CACNA1H: variants seen among roughly 807,000 people sequenced by gnomAD.
CACNA1H encodes calcium voltage-gated channel subunit alpha1 H.
A neutral mutation model predicts 192.5 loss-of-function variants in CACNA1H; 149 were observed. The observed-to-expected ratio is 0.77, with a 90% CI of 0.68 to 0.89. The LOEUF (loss-of-function observed/expected upper bound fraction) is 0.89. Ranked by LOEUF, CACNA1H falls within the 40% of genes least tolerant of loss-of-function variation. The pLI is 0.00. For synonymous variants in CACNA1H, 2,202 were observed against 1,475.2 expected (o/e 1.49, Z -11.29); for missense variants, 4,257 against 3,423.5 (o/e 1.24, Z -6.08).
chr16:1,211,140 C>T (rs1969396164), intron 21 of CACNA1H, 28 bp from the exon 22 acceptor site: 2 of 1,609,612 alleles, frequency 1.2e-6, no homozygotes, highest in Non-Finnish European at 1.7e-6. Context: ...CCATAGATGA[C>T]TGCAGTGTAT....
At position 1,200,754 on chromosome 16, in the gene CACNA1H, C is replaced by T. The variant is rs369185990; in HGVS notation, c.1158C>T (p.Tyr386=). 2.2e-5 allele frequency: 34 copies of T among 1,557,704 alleles called. No individual in the cohort carries two copies. The highest frequency in any genetic ancestry group is 1.9e-4 in the South Asian group (16 of 84,802). ...TLEGWVDIMY[Y]VMDAHSFYNF... The stretch of plus-strand genomic sequence containing the variant: ...AAGGCTGGGTGGACATCATGTACTA[C>T]GTCATGGACGCCCACTCATTCTACA... Residue 386 remains tyrosine (Y), a synonymous_variant, in exon 8 of 35, where the codon TAC becomes TAT. Coordinates refer to ENST00000348261, the MANE Select transcript of CACNA1H (RefSeq NM_021098.3).
At chr16:1,173,689 G>A (rs564552930) in intron 2 of CACNA1H, among the ~76,000 whole-genome samples, 1 of 152,366 alleles carries the variant, frequency 6.6e-6, no homozygotes, top group East Asian at 1.9e-4. Context: ...CGTCGGAGGG[G>A]TGAGGGAAGG....
In CACNA1H at chr16:1,207,811, G is replaced by A. The variant is rs760042669; in HGVS notation, c.3105G>A (p.Ser1035=). ...CCGACACGGACGAGGACAAGACGTC[G>A]GTCCACTTCGAGGAGGACTTCCACA... The part of the protein sequence containing the change: ...NRSDTDEDKT[S]VHFEEDFHKL... Residue 1035 remains serine, a synonymous_variant, in exon 15 of 35, where the codon TCG becomes TCA. Coordinates refer to ENST00000348261, the MANE Select transcript of CACNA1H (RefSeq NM_021098.3). 3.2e-5 allele frequency: 51 copies of A among 1,602,844 alleles called. No homozygotes were observed. Among genetic ancestry groups the A allele is most frequent in the East Asian group, 4.5e-5 (2 of 44,234 alleles).
rs1966812383 is a variant in CACNA1H at position 1,193,728 on chromosome 16, G to C, written c.300-1244G>C. ...AATATGTAATTACATTGGTGGCCTGGAGCCGTGGCACTGGCATCAAATGCT... is the reference window on the plus strand; with the variant it reads ...AATATGTAATTACATTGGTGGCCTGCAGCCGTGGCACTGGCATCAAATGCT... On this transcript the variant is annotated intron_variant, in intron 2 of 34. Coordinates refer to ENST00000348261, the MANE Select transcript of CACNA1H (RefSeq NM_021098.3). 2.0e-5 allele frequency among the ~76,000 whole-genome samples: 3 copies of C among 152,214 alleles called. No homozygotes were observed. In the South Asian group the frequency reaches 6.2e-4, roughly 32 times the overall value.
At chr16:1,212,927 C>A (rs764103998) in intron 26 of CACNA1H, among the ~76,000 whole-genome samples, 2 of 152,228 alleles carry the variant, frequency 1.3e-5, no homozygotes, top group African/African-American at 2.4e-5. Flanking sequence ...GGTCGGGTGG[C>A]GGGTGGATCC....
rs1229653493 is a variant in CACNA1H at position 1,205,260 on chromosome 16, C to T, written c.2598C>T (p.Val866=). 7 of 1,605,172 alleles carry T rather than the reference C, an allele frequency of 4.4e-6. 1 individual carries two copies. Among genetic ancestry groups the T allele is most frequent in the South Asian group, 3.3e-5 (3 of 90,704 alleles). The change falls in exon 11 of 35, where the codon GTC becomes GTT. Residue 866 remains valine, a synonymous_variant. Transcript: ENST00000348261. Reference sequence around the variant, plus strand: ...ACATCTTCGACGGCATCATCGTGGTCATCAGGTGGGTCCCCACCCTCTCCC... The same window carrying T: ...ACATCTTCGACGGCATCATCGTGGTTATCAGGTGGGTCCCCACCCTCTCCC... ...PYNIFDGIIV[V]ISVWEIVGQA...
chr16:1,174,002 C>T (rs1186042346), intron 2 of CACNA1H, among the ~76,000 whole-genome samples: 3 of 152,226 alleles, frequency 2.0e-5, no homozygotes, highest in Non-Finnish European at 4.4e-5. Context: ...GACCTGCGTG[C>T]ACAGTAGGGC....
chr16:1,201,702 A>G lies in CACNA1H; in HGVS notation c.1252A>G (p.Ile418Val). 6.2e-7 allele frequency: 1 copy of G among 1,607,922 alleles called. No individual in the cohort carries two copies. The highest frequency in any genetic ancestry group is 8.5e-7 in the Non-Finnish European group (1 of 1,176,708). ...FFMINLCLVV[I>V]ATQFSETKQR... is the part of the protein sequence containing the mutation. ...CATGATCAACCTGTGCCTGGTGGTG[A>G]TTGCCACGCAGTTCTCGGAGACGAA... Residue 418 changes from isoleucine (I) to valine (V), a missense_variant, in exon 9 of 35, where the codon ATT (isoleucine) becomes GTT (valine). Transcript: ENST00000348261.
chr16:1,195,637 C>T, intron 4 of CACNA1H, 72 bp downstream of exon 4: 2 of 1,479,342 alleles, frequency 1.4e-6, no homozygotes, highest in Admixed American at 2.0e-5. Flanking sequence ...TCCCTGTGTC[C>T]CACCTGTAAA....
chr16:1,218,396 G>A lies in CACNA1H; in HGVS notation c.5632G>A (p.Ala1878Thr), dbSNP rs559407861. Residue 1878 changes from alanine (A) to threonine (T), a missense_variant, in exon 33 of 35, where the codon GCC becomes ACC. Physicochemically the swap from Ala to Thr is moderately conservative, Grantham distance 58. Coordinates refer to ENST00000348261, the MANE Select transcript of CACNA1H (RefSeq NM_021098.3). ...KEAREDAELD[A>T]EIELEMAQGP... ...GGCACGGGAGGATGCGGAGCTGGAC[G>A]CCGAGATCGAGCTGGAGATGGCGCA... is the stretch of plus-strand genomic sequence containing the variant. 8 of 1,558,448 alleles carry A rather than the reference G, an allele frequency of 5.1e-6. No individual in the cohort carries two copies. The Admixed American group carries it at 5.8e-5, about 11-fold the overall frequency.
intron 2 of CACNA1H, among the ~76,000 whole-genome samples, chr16:1,166,709 A>C (rs1963818008): frequency 6.6e-6 from 1 of 151,972 alleles, no homozygotes; most frequent in Non-Finnish European, 1.5e-5. Flanking sequence ...GGACTCCTGC[A>C]CCGGCTTCTC....
intron 6 of CACNA1H, 26 bp downstream of exon 6, chr16:1,198,800 C>T: frequency 6.3e-7 from 1 of 1,593,278 alleles, no homozygotes; most frequent in South Asian, 1.1e-5. Flanking sequence ...CCCCGTGAGG[C>T]CCCTGCCCAG....
At chr16:1,217,127 A>C in intron 31 of CACNA1H, 117 bp downstream of exon 31, 8 of 853,338 alleles carry the variant, frequency 9.4e-6, no homozygotes, top group South Asian at 1.7e-5. Flanking sequence ...GATCAGGGCC[A>C]CACGCCTCCT....
In CACNA1H at chr16:1,207,079, C is replaced by T; in HGVS notation, c.2868C>T (p.Asn956=). ...GAGACACCGTGCCTGACAGGAAGAACTTCGACTCCCTGCTGTGGGCCATCG... is the reference window on the plus strand; with the variant it reads ...GAGACACCGTGCCTGACAGGAAGAATTTCGACTCCCTGCTGTGGGCCATCG... ...DTGDTVPDRK[N]FDSLLWAIVT... Residue 956 remains asparagine (N), a synonymous_variant, in exon 13 of 35, where the codon AAC becomes AAT. Coordinates refer to ENST00000348261, the MANE Select transcript of CACNA1H (RefSeq NM_021098.3). 6.2e-7 allele frequency: 1 copy of T among 1,601,184 alleles called. No homozygotes were observed. Among genetic ancestry groups the T allele is most frequent in the East Asian group, 2.3e-5 (1 of 44,364 alleles).
At position 1,215,034 on chromosome 16, in the gene CACNA1H, T is replaced by C; in HGVS notation, c.4992T>C (p.Ala1664=). 6.2e-7 allele frequency: 1 copy of C among 1,613,136 alleles called. No individual in the cohort carries two copies. Among genetic ancestry groups the C allele is most frequent in the Non-Finnish European group, 8.5e-7 (1 of 1,179,566 alleles). The change falls in exon 28 of 35, where the codon GCT becomes GCC. Residue 1664 remains alanine (A), a synonymous_variant. Coordinates refer to ENST00000348261, the MANE Select transcript of CACNA1H (RefSeq NM_021098.3). ...TCACCATCGTGTTTGTCTTCGAGGC[T>C]GCACTGAAGCTGGTAGCATTTGGGT... The part of the protein sequence containing the change: ...YVFTIVFVFE[A]ALKLVAFGFR...
intron 6 of CACNA1H, 65 bp from the exon 7 acceptor site, chr16:1,200,191 G>A (rs778017223): frequency 2.2e-5 from 29 of 1,326,926 alleles, no homozygotes; most frequent in African/African-American, 3.0e-5. Flanking sequence ...TCACAATCGT[G>A]CCCCCGACTC....
At chr16:1,198,538 G>T in intron 5 of CACNA1H, 77 bp from the exon 6 acceptor site, 2 of 1,524,392 alleles carry the variant, frequency 1.3e-6, no homozygotes, top group Non-Finnish European at 9.0e-7. Context: ...GGGGCTCGGG[G>T]GTCCCGGGAG....
chr16:1,195,512 G>A lies in CACNA1H; in HGVS notation c.492G>A (p.Lys164=), dbSNP rs774987924. The change falls in exon 4 of 35, where the codon AAG becomes AAA. Residue 164 remains lysine, a synonymous_variant. Coordinates refer to ENST00000348261, the MANE Select transcript of CACNA1H (RefSeq NM_021098.3). ...TGGCCTTGGGGCTGTTCGGGCAGAAGTGTTACCTGGGTGACACGTGGAACA... is the reference window on the plus strand; with the variant it reads ...TGGCCTTGGGGCTGTTCGGGCAGAAATGTTACCTGGGTGACACGTGGAACA... ...KMVALGLFGQ[K]CYLGDTWNRL... 1 of 1,603,306 alleles carries A rather than the reference G, an allele frequency of 6.2e-7. No individual in the cohort carries two copies. Among genetic ancestry groups the A allele is most frequent in the Non-Finnish European group, 8.5e-7 (1 of 1,175,146 alleles).
At chr16:1,155,985 C>T (rs575785871) in intron 2 of CACNA1H, among the ~76,000 whole-genome samples, 22 of 152,168 alleles carry the variant, frequency 1.4e-4, no homozygotes, top group East Asian at 7.7e-4. Context: ...GTCCTGGTCT[C>T]GGGGGCTGGA....
Sources: allele counts gnomAD v4.1 joint callset (sites outside exome capture counted in the v4.1 genomes callset), GRCh38; gene constraint gnomAD v4.1.1; transcripts MANE v1.5; gene names NCBI Gene and HGNC (gene_info 2026-07-23, HGNC 2026-07-21).